CAP2: variants seen among roughly 807,000 people sequenced by gnomAD.
CAP2 encodes adenylyl cyclase-associated protein 2.
In CAP2, 24 loss-of-function variants were observed where a neutral mutation model predicts 57.7. The observed-to-expected ratio is 0.42, with a 90% CI of 0.30 to 0.58. The LOEUF (loss-of-function observed/expected upper bound fraction) is 0.58, where lower values mean the gene tolerates loss of function less well. Among genes scored for constraint, CAP2 ranks in the 20% least tolerant of loss-of-function variants. The probability of loss-of-function intolerance (pLI) is 0.22; values close to 1 mark genes in which losing one functional copy is unlikely to be tolerated. For missense variants in CAP2, 501 were observed against 590.3 expected, an observed-to-expected ratio of 0.85 and a Z score of 1.57; for synonymous variants, 194 against 207.2, an observed-to-expected ratio of 0.94 and a Z score of 0.55.
intron 3 of CAP2, among the ~76,000 whole-genome samples, chr6:17,448,729 G>T (rs1383707604): frequency 2.7e-5 from 4 of 150,378 alleles, no homozygotes; most frequent in Non-Finnish European, 5.9e-5. Context: ...CATGTCTTCT[G>T]GGTCTCTTTC....
intron 4 of CAP2, among the ~76,000 whole-genome samples, chr6:17,500,743 A>T (rs1761799008): frequency 6.6e-6 from 1 of 152,180 alleles, no homozygotes; most frequent in African/African-American, 2.4e-5. Context: ...ATGTATGTAC[A>T]TGTTAGAAGA....
intron 11 of CAP2, among the ~76,000 whole-genome samples, chr6:17,547,681 A>G (rs552730800): frequency 6.6e-4 from 101 of 152,008 alleles, no homozygotes; most frequent in Non-Finnish European, 1.3e-3. Context: ...CTCTACTAAA[A>G]ATACAAAAAA....
chr6:17,421,217 A>G (rs1759435082), intron 1 of CAP2, among the ~76,000 whole-genome samples: 1 of 152,140 alleles, frequency 6.6e-6, no homozygotes, highest in African/African-American at 2.4e-5. Flanking sequence ...GAATGATATA[A>G]CGGACTTTGG....
intron 12 of CAP2, among the ~76,000 whole-genome samples, chr6:17,551,954 GA>G (rs1039668910): frequency 1.4e-4 from 22 of 152,156 alleles, no homozygotes; most frequent in African/African-American, 4.8e-4. Flanking sequence ...ATACTTAGGG[GA>G]AAAAATGTGA....
Position 17,483,543 on chromosome 6 carries a change from G to T in CAP2, c.300+20470G>T, listed in dbSNP as rs117816347. ...AAGGTGACGTCAAAGGACACAGTTG[G>T]ACTGGGATTCATTCTTACAATGGGA... On this transcript the variant is annotated intron_variant, in intron 4 of 12. Transcript: ENST00000229922. Among the ~76,000 whole-genome samples the T allele has an allele frequency of 8.7e-4, 132 of 152,320 alleles. No homozygotes were observed. The East Asian group carries it at 0.02, about 24-fold the overall frequency.
chr6:17,518,855 C>A (rs1428605127), intron 7 of CAP2, among the ~76,000 whole-genome samples: 1 of 151,966 alleles, frequency 6.6e-6, no homozygotes, highest in East Asian at 1.9e-4. Context: ...CCAGGGTGGT[C>A]TAGAACGCCT....
chr6:17,440,646 G>T (rs1418686128), intron 3 of CAP2, among the ~76,000 whole-genome samples: 1 of 92,546 alleles, frequency 1.1e-5, no homozygotes, highest in Non-Finnish European at 2.4e-5. Context: ...TGTGTGTGTG[G>T]TCATTTTAAT....
At chr6:17,544,015 C>T (rs1185263434) in intron 11 of CAP2, among the ~76,000 whole-genome samples, 1 of 150,750 alleles carries the variant, frequency 6.6e-6, no homozygotes, top group East Asian at 2.0e-4. Context: ...ATCCCAGCTA[C>T]TTGGGAGGCT....
intron 11 of CAP2, among the ~76,000 whole-genome samples, chr6:17,547,645 T>G (rs943061244): frequency 1.4e-4 from 22 of 152,018 alleles, no homozygotes; most frequent in Middle Eastern, 3.4e-3. Context: ...ATTGAGACCA[T>G]CCTGGCTAAC....
rs1763320407 is a variant in CAP2 at position 17,556,570 on chromosome 6, A to G, written c.*128A>G. On this transcript the variant is annotated 3_prime_UTR_variant, in exon 13 of 13. Coordinates refer to ENST00000229922, the MANE Select transcript of CAP2 (RefSeq NM_006366.3). ...CTTTGGCCTCCAACGATTCTGTGCT[A>G]TAGATACAGCACTGTTTCTGGCACG... 1 of 701,204 alleles carries G rather than the reference A, an allele frequency of 1.4e-6. No homozygotes were observed. The highest frequency in any genetic ancestry group is 2.5e-5 in the East Asian group (1 of 39,326). The allele number at this position is 701,204 out of a possible 1,614,324, so 43.4% of individuals were successfully genotyped here. A position where few individuals can be genotyped will look rare whatever the true frequency, so the allele number is the denominator to read the frequency against.
chr6:17,408,391 G>A (rs1203161612), intron 1 of CAP2, among the ~76,000 whole-genome samples: 1 of 152,246 alleles, frequency 6.6e-6, no homozygotes, highest in South Asian at 2.1e-4. Context: ...GGAACGAATA[G>A]AGCAAGAATT....
chr6:17,485,908 C>A (rs192263024), intron 4 of CAP2, among the ~76,000 whole-genome samples: 7 of 152,326 alleles, frequency 4.6e-5, no homozygotes, highest in Admixed American at 2.6e-4. Context: ...AGAAGGACAT[C>A]CTGTTTGTGT....
At chr6:17,522,193 C>T (rs1762408227) in intron 7 of CAP2, among the ~76,000 whole-genome samples, 1 of 152,168 alleles carries the variant, frequency 6.6e-6, no homozygotes, top group Non-Finnish European at 1.5e-5. Flanking sequence ...ACCTACTTTT[C>T]AACAGGATTC....
intron 4 of CAP2, among the ~76,000 whole-genome samples, chr6:17,477,702 G>A (rs1761185518): frequency 6.6e-6 from 1 of 152,122 alleles, no homozygotes; most frequent in Non-Finnish European, 1.5e-5. Flanking sequence ...ATTATGTCCT[G>A]ACCTATCGAT....
At chr6:17,412,649 A>G (rs1395396831) in intron 1 of CAP2, among the ~76,000 whole-genome samples, 1 of 152,208 alleles carries the variant, frequency 6.6e-6, no homozygotes, top group Non-Finnish European at 1.5e-5. Flanking sequence ...TGATACCTCC[A>G]GAGTGGAGGG....
At chr6:17,544,675 C>G (rs1762999371) in intron 11 of CAP2, among the ~76,000 whole-genome samples, 1 of 152,108 alleles carries the variant, frequency 6.6e-6, no homozygotes, top group Non-Finnish European at 1.5e-5. Context: ...GCCTCAGCCC[C>G]CTGAGTAGCT....
At chr6:17,482,929 GTTA>G (rs1346520288) in intron 4 of CAP2, among the ~76,000 whole-genome samples, 2 of 152,222 alleles carry the variant, frequency 1.3e-5, no homozygotes, top group Non-Finnish European at 2.9e-5. Context: ...TTGTTCTATT[GTTA>G]TTATCTGTGT....
intron 3 of CAP2, among the ~76,000 whole-genome samples, chr6:17,460,616 C>T (rs950798035): frequency 3.9e-5 from 6 of 152,108 alleles, no homozygotes; most frequent in African/African-American, 1.4e-4. Flanking sequence ...ACATAATTAT[C>T]CCAGTCTCAA....
chr6:17,548,270 G>A (rs1361801071), intron 11 of CAP2, among the ~76,000 whole-genome samples: 1 of 151,936 alleles, frequency 6.6e-6, no homozygotes, highest in Non-Finnish European at 1.5e-5. Context: ...AGGAGGCTGA[G>A]GCCGGAGAAT....
Sources: allele counts gnomAD v4.1 joint callset (sites outside exome capture counted in the v4.1 genomes callset), GRCh38; gene constraint gnomAD v4.1.1; transcripts MANE v1.5; gene names NCBI Gene and HGNC (gene_info 2026-07-23, HGNC 2026-07-21).